Variants in LYSMD4 observed in about 807,000 individuals in gnomAD.
The protein encoded by LYSMD4 is LysM domain containing 4, also known as lysM and putative peptidoglycan-binding domain-containing protein 4.
LYSMD4 carries 9 observed loss-of-function variants against 6.1 expected under a neutral mutation model. The observed-to-expected ratio is 1.47, with a 90% CI of 0.88 to 2.56. The LOEUF (loss-of-function observed/expected upper bound fraction) is 2.56. LYSMD4 is among the 30% of genes most tolerant of loss of function. The pLI, the probability that LYSMD4 is intolerant of heterozygous loss-of-function variation, is 0.00. For missense variants in LYSMD4, 384 were observed against 373.5 expected (o/e 1.03, Z -0.23); for synonymous variants, 143 against 148.5 (o/e 0.96, Z 0.27).
At chr15:99,731,410 A>G (rs764165014) in intron 2 of LYSMD4, 29 of 1,612,410 alleles carry the variant, frequency 1.8e-5, no homozygotes, top group Non-Finnish European at 2.3e-5. Flanking sequence ...CATTAGGTCT[A>G]AAATAAAATG....
downstream of LYSMD4, among the ~76,000 whole-genome samples, chr15:99,723,863 C>T (rs1039363415): frequency 7.6e-5 from 11 of 144,198 alleles, 1 homozygote; most frequent in African/African-American, 3.2e-4. Flanking sequence ...CTCGCTATTG[C>T]TCCAAGACTT....
chr15:99,731,256 A>G, intron 2 of LYSMD4: 1 of 1,604,694 alleles, frequency 6.2e-7, no homozygotes, highest in African/African-American at 1.3e-5. Flanking sequence ...ACAAAAGACC[A>G]TGCAGTTCTA....
At chr15:99,724,960 G>A (rs139527177), downstream of LYSMD4, among the ~76,000 whole-genome samples, 1 of 152,330 alleles carries the variant, frequency 6.6e-6, no homozygotes, top group African/African-American at 2.4e-5. Context: ...CCTCACAGCA[G>A]CTCCACTGCA....
In LYSMD4 at chr15:99,731,905, C is replaced by A; in HGVS notation, c.95G>T (p.Ser32Ile). The change falls in exon 2 of 3, where the codon AGT (serine) becomes ATT (isoleucine). Residue 32 changes from serine to isoleucine, a missense_variant. Ser to Ile is a moderately radical substitution (Grantham distance 142, BLOSUM62 -2). Transcript: ENST00000684762. ...TTCAGAAGAGTCCCCCGAGTCCCCACTGCCATTCTTAAACATGTATACGTG... is the reference window on the plus strand; with the variant it reads ...TTCAGAAGAGTCCCCCGAGTCCCCAATGCCATTCTTAAACATGTATACGTG... ...TSHVYMFKNG[S>I]GDSGDSSEEE... The A allele has an allele frequency of 1.9e-6, 3 of 1,613,594 alleles. No homozygotes were observed. Among genetic ancestry groups the A allele is most frequent in the Non-Finnish European group, 2.5e-6 (3 of 1,180,028 alleles).
At chr15:99,727,043 T>C (rs889415944), downstream of LYSMD4, among the ~76,000 whole-genome samples, 2 of 152,080 alleles carry the variant, frequency 1.3e-5, no homozygotes, top group Non-Finnish European at 2.9e-5. Context: ...TCCAGCAGCA[T>C]CCCACATCTT....
intron 2 of LYSMD4, among the ~76,000 whole-genome samples, chr15:99,730,303 T>G (rs1436820105): frequency 6.6e-6 from 1 of 152,222 alleles, no homozygotes; most frequent in Non-Finnish European, 1.5e-5. Flanking sequence ...GTAAACTTAT[T>G]AAATAAAAGT....
rs1006656671 is a variant in LYSMD4 at position 99,733,381 on chromosome 15, G to C, written c.-45C>G. 2.5e-6 allele frequency: 1 copy of C among 395,414 alleles called. No homozygotes were observed. Among genetic ancestry groups the C allele is most frequent in the Non-Finnish European group, 4.5e-6 (1 of 224,112 alleles). The allele number at this position is 395,414 out of a possible 1,614,324, so 24.5% of individuals were successfully genotyped here. A position where few individuals can be genotyped will look rare whatever the true frequency, so the allele number is the denominator to read the frequency against. ...GGCTCCGCCGCGACCGGCGACCGGC[G>C]ACTCGCGACCCGCGACCCGCGACCC... On this transcript the variant is annotated 5_prime_UTR_variant, in exon 1 of 3. Transcript: ENST00000684762.
At chr15:99,731,234 G>A in intron 2 of LYSMD4, 1 of 1,609,338 alleles carries the variant, frequency 6.2e-7, no homozygotes, top group Non-Finnish European at 8.5e-7. Flanking sequence ...GGGTTATATA[G>A]ATACACAGCA....
At chr15:99,724,099 AC>A (rs1247177388), downstream of LYSMD4, among the ~76,000 whole-genome samples, 1 of 150,940 alleles carries the variant, frequency 6.6e-6, no homozygotes, top group Admixed American at 6.6e-5. Flanking sequence ...TTTGAAAAGA[AC>A]CATCCACTGC....
chr15:99,716,355 G>A (rs2059149601), exon 1 of LYSMD4: 2 of 354,896 alleles, frequency 5.6e-6, no homozygotes, highest in Non-Finnish European at 1.1e-5. Context: ...TTCCCTGAAT[G>A]TGTTGTTTTT....
downstream of LYSMD4, among the ~76,000 whole-genome samples, chr15:99,724,631 A>T (rs182879049): frequency 1.3e-5 from 2 of 152,254 alleles, no homozygotes; most frequent in Admixed American, 1.3e-4. Context: ...ATGTTATCCC[A>T]TCACCTCTTG....
chr15:99,731,620 T>G, intron 2 of LYSMD4, 98 bp downstream of exon 2: 1 of 1,522,676 alleles, frequency 6.6e-7, no homozygotes, highest in African/African-American at 1.4e-5. Context: ...CCTGACGGCC[T>G]GGCAGGGTTA....
At chr15:99,723,036 GT>G (rs544219800), downstream of LYSMD4, among the ~76,000 whole-genome samples, 5 of 148,246 alleles carry the variant, frequency 3.4e-5, no homozygotes, top group Admixed American at 6.7e-5. Context: ...GTTTTGTTTT[GT>G]TTTTTTTTTA....
upstream of LYSMD4, among the ~76,000 whole-genome samples, chr15:99,718,909 G>GCACACACACACA (rs57143734): frequency 6.6e-6 from 1 of 150,604 alleles, no homozygotes; most frequent in East Asian, 2.0e-4. Context: ...GTAGTTATGC[G>GCACACACACACA]CACACACACA....
downstream of LYSMD4, among the ~76,000 whole-genome samples, chr15:99,726,476 C>T (rs899043612): frequency 6.6e-6 from 1 of 151,986 alleles, no homozygotes; most frequent in Non-Finnish European, 1.5e-5. Flanking sequence ...ACTTCAGGCA[C>T]ATCTCCTCCC....
At chr15:99,731,037 G>A (rs557766530) in intron 2 of LYSMD4, 140 of 774,252 alleles carry the variant, frequency 1.8e-4, no homozygotes, top group Non-Finnish European at 2.7e-4. Flanking sequence ...ACTTGTAGGA[G>A]AAAGAGATTT....
chr15:99,730,149 G>C (rs1205242046), intron 2 of LYSMD4, among the ~76,000 whole-genome samples: 1 of 152,210 alleles, frequency 6.6e-6, no homozygotes, highest in East Asian at 1.9e-4. Flanking sequence ...CCTCATGCCA[G>C]AACTCAGTGG....
At chr15:99,731,364 A>T in intron 2 of LYSMD4, 1 of 1,613,318 alleles carries the variant, frequency 6.2e-7, no homozygotes, top group Non-Finnish European at 8.5e-7. Context: ...ATACCATAGA[A>T]ATCCGGAATT....
chr15:99,716,713 C>T (rs1257311453), exon 1 of LYSMD4: 1 of 456,696 alleles, frequency 2.2e-6, no homozygotes, highest in South Asian at 1.5e-5. Flanking sequence ...AGCCCTGGAG[C>T]CCATAGGAAG....
Sources: gnomAD v4.1 joint callset for allele counts (sites outside exome capture counted in the v4.1 genomes callset) on GRCh38, gnomAD v4.1.1 for gene constraint, MANE v1.5 for transcripts, NCBI Gene and HGNC (gene_info 2026-07-23, HGNC 2026-07-21) for gene names.